PIK3R3: variants seen among roughly 807,000 people sequenced by gnomAD.
The protein encoded by PIK3R3 is phosphoinositide-3-kinase regulatory subunit 3, also known as phosphatidylinositol 3-kinase regulatory subunit gamma.
Under a neutral mutation model 62.9 loss-of-function variants are expected in PIK3R3, and 64 were observed. That is an observed-to-expected ratio of 1.02 (90% confidence interval 0.83 to 1.25). PIK3R3 has a LOEUF of 1.25. Ranked by LOEUF, PIK3R3 falls within the 50% of genes most tolerant of loss-of-function variation. PIK3R3 has a pLI of 0.00. For missense variants in PIK3R3, 614 were observed against 561.6 expected, an observed-to-expected ratio of 1.09 and a Z score of -0.94; for synonymous variants, 165 against 189.0, an observed-to-expected ratio of 0.87 and a Z score of 1.04.
At chr1:46,099,683 T>C (rs778273044) in intron 1 of PIK3R3, among the ~76,000 whole-genome samples, 2 of 152,234 alleles carry the variant, frequency 1.3e-5, no homozygotes, top group Non-Finnish European at 2.9e-5. Context: ...GTTTTCTGCT[T>C]TTACAAACAA....
upstream of PIK3R3, chr1:46,133,077 T>A (rs904831387): frequency 2.0e-6 from 2 of 992,666 alleles, no homozygotes; most frequent in Non-Finnish European, 2.4e-6. Context: ...GCCTTGCTCC[T>A]GCGAAGGAGC....
chr1:46,075,202 T>A (rs866352289), intron 3 of PIK3R3, among the ~76,000 whole-genome samples: 1 of 152,246 alleles, frequency 6.6e-6, no homozygotes, highest in Non-Finnish European at 1.5e-5. Flanking sequence ...GTTCACAGCA[T>A]GGACTGTCAG....
chr1:46,152,139 AG>A, the PIK3R3 span, among the ~76,000 whole-genome samples: 1 of 152,206 alleles, frequency 6.6e-6, no homozygotes, highest in African/African-American at 2.4e-5. Flanking sequence ...CTGATACAAC[AG>A]AGAAAAATTC....
At chr1:46,119,751 G>A (rs1036079790) in intron 1 of PIK3R3, among the ~76,000 whole-genome samples, 2 of 149,976 alleles carry the variant, frequency 1.3e-5, no homozygotes, top group Non-Finnish European at 3.0e-5. Context: ...CTACAGGTAT[G>A]TGCCATTGTA....
At chr1:46,119,083 C>T (rs917572491) in intron 1 of PIK3R3, among the ~76,000 whole-genome samples, 1 of 152,126 alleles carries the variant, frequency 6.6e-6, no homozygotes, top group Non-Finnish European at 1.5e-5. Flanking sequence ...ATCTCTCACC[C>T]TGTACTCTAT....
At chr1:46,159,740 C>A in the PIK3R3 span, among the ~76,000 whole-genome samples, 2 of 31,940 alleles carry the variant, frequency 6.3e-5, no homozygotes, top group African/African-American at 1.7e-4. Context: ...GAGTACCATA[C>A]ACACACACAC....
intron 1 of PIK3R3, among the ~76,000 whole-genome samples, chr1:46,112,165 T>A (rs1653797998): frequency 6.6e-6 from 1 of 152,202 alleles, no homozygotes; most frequent in Non-Finnish European, 1.5e-5. Flanking sequence ...TAAAAAAGAA[T>A]GTGAAACATT....
At chr1:46,130,900 G>C (rs770883135) in intron 1 of PIK3R3, among the ~76,000 whole-genome samples, 2 of 152,046 alleles carry the variant, frequency 1.3e-5, no homozygotes, top group Non-Finnish European at 2.9e-5. Flanking sequence ...CATAAAATGG[G>C]GTAGACTTTA....
the PIK3R3 span, among the ~76,000 whole-genome samples, chr1:46,156,137 C>A: frequency 1.3e-5 from 2 of 152,104 alleles, no homozygotes; most frequent in Non-Finnish European, 2.9e-5. Flanking sequence ...GCTGTGCTGG[C>A]ATACACATTT....
At chr1:46,048,928 T>C (rs1480627137) in intron 7 of PIK3R3, among the ~76,000 whole-genome samples, 1 of 152,188 alleles carries the variant, frequency 6.6e-6, no homozygotes, top group Non-Finnish European at 1.5e-5. Context: ...ATAGCTTTAG[T>C]AAATACGTTA....
chr1:46,154,980 ATAACT>A, the PIK3R3 span, among the ~76,000 whole-genome samples: 4 of 152,220 alleles, frequency 2.6e-5, no homozygotes, highest in Non-Finnish European at 2.9e-5. Context: ...ACAATCTGAA[ATAACT>A]TTACTTATGT....
In PIK3R3 at chr1:46,125,761, CT is replaced by C. The variant is rs947834071; in HGVS notation, c.106+6085del. ...GGTCTCAAAATGCGATCTAGAGTTT[CT>C]TTTTTTTTTTTTTCTTGAGACAGAG... is the stretch of plus-strand genomic sequence containing the variant. On this transcript the variant is annotated intron_variant, in intron 1 of 9. Coordinates refer to ENST00000262741, the MANE Select transcript of PIK3R3 (RefSeq NM_003629.4). Among the ~76,000 whole-genome samples, 1,357 of 143,810 alleles carry C rather than the reference CT, an allele frequency of 9.4e-3. 9 individuals are homozygous for C. The highest frequency in any genetic ancestry group is 0.037 in the South Asian group (168 of 4,540). The allele number at this position is 143,810 out of a possible 152,430, so 94.3% of individuals were successfully genotyped here.
the PIK3R3 span, among the ~76,000 whole-genome samples, chr1:46,167,050 C>T: frequency 1.3e-5 from 2 of 152,228 alleles, no homozygotes; most frequent in African/African-American, 2.4e-5. Context: ...AGCCCCACCC[C>T]GCGACTACCT....
intron 7 of PIK3R3, among the ~76,000 whole-genome samples, chr1:46,055,408 C>T (rs1490775380): frequency 1.3e-5 from 2 of 152,216 alleles, no homozygotes; most frequent in African/African-American, 2.4e-5. Flanking sequence ...CAGTGCCCAG[C>T]CTAGAACCTA....
At position 46,046,000 on chromosome 1, in the gene PIK3R3, CT is replaced by C; in HGVS notation, c.1104del (p.Glu369ArgfsTer13). 1 of 1,611,826 alleles carries C rather than the reference CT, an allele frequency of 6.2e-7. No homozygotes were observed. Among genetic ancestry groups the C allele is most frequent in the Non-Finnish European group, 8.5e-7 (1 of 1,178,066 alleles). On this transcript the variant is annotated frameshift_variant, in exon 9 of 10. Coordinates refer to ENST00000262741, the MANE Select transcript of PIK3R3 (RefSeq NM_003629.4). LOFTEE classifies it high-confidence loss of function. ...WFVEDINRVQAEDLLYGKPDG... is the reference protein window; with the variant it reads ...WFVEDINRVQXEDLLYGKPDG... ...TCAGGTTTCCCATAAAGCAAGTCCT[CT>C]GCTTGTACTCGATTGATATCCTCAA...
chr1:46,117,527 C>A (rs571271409), intron 1 of PIK3R3, among the ~76,000 whole-genome samples: 2 of 152,212 alleles, frequency 1.3e-5, no homozygotes, highest in East Asian at 3.9e-4. Flanking sequence ...ACAACTAAGG[C>A]CACATATACT....
chr1:46,132,739 C>G, upstream of PIK3R3: 1 of 1,287,544 alleles, frequency 7.8e-7, no homozygotes, highest in Non-Finnish European at 1.0e-6. Flanking sequence ...GGGGGGACAG[C>G]AGGCATCACC....
intron 1 of PIK3R3, among the ~76,000 whole-genome samples, chr1:46,123,972 G>A (rs954616653): frequency 3.3e-5 from 5 of 152,076 alleles, no homozygotes; most frequent in East Asian, 1.9e-4. Context: ...CTCATGAAAC[G>A]TTATAACTAG....
chr1:46,066,806 CA>C, intron 4 of PIK3R3, 104 bp downstream of exon 4: 1 of 925,572 alleles, frequency 1.1e-6, no homozygotes, highest in Non-Finnish European at 1.7e-6. Flanking sequence ...AAATAAATAA[CA>C]AAATGGCTAG....
Sources: gnomAD v4.1 joint callset for allele counts (sites outside exome capture counted in the v4.1 genomes callset) on GRCh38, gnomAD v4.1.1 for gene constraint, MANE v1.5 for transcripts, NCBI Gene and HGNC (gene_info 2026-07-23, HGNC 2026-07-21) for gene names.